The following CACNA1D variants were observed in gnomAD, a reference collection of about 807,000 sequenced individuals.
The protein encoded by CACNA1D is voltage-dependent L-type calcium channel subunit alpha-1D.
In CACNA1D, 55 loss-of-function variants were observed where a neutral mutation model predicts 257.1. The ratio of observed to expected loss-of-function variants is 0.21; its 90% CI spans 0.17 to 0.27. The LOEUF (loss-of-function observed/expected upper bound fraction) is 0.27. Ranked by LOEUF, CACNA1D falls within the 10% of genes least tolerant of loss-of-function variation. The pLI is 1.00. For missense variants in CACNA1D, 1,876 were observed against 2,784.0 expected (o/e 0.67, Z 7.34); for synonymous variants, 980 against 1,014.9 (o/e 0.97, Z 0.65).
chr3:53,752,461 G>T (rs545306202), intron 28 of CACNA1D, among the ~76,000 whole-genome samples: 1 of 152,116 alleles, frequency 6.6e-6, no homozygotes. Context: ...GTGCAGTAGC[G>T]CGATCTCGGC....
intron 30 of CACNA1D, among the ~76,000 whole-genome samples, chr3:53,768,250 CAGGTCTG>C (rs1021663329): frequency 1.3e-5 from 2 of 152,142 alleles, no homozygotes; most frequent in Non-Finnish European, 2.9e-5. Flanking sequence ...TACTGTCTTG[CAGGTCTG>C]ATACATAAGT....
At chr3:53,752,270 T>C (rs2095232385) in intron 28 of CACNA1D, among the ~76,000 whole-genome samples, 1 of 152,234 alleles carries the variant, frequency 6.6e-6, no homozygotes, top group African/African-American at 2.4e-5. Context: ...GAATTTTTTG[T>C]GACTTGGGGA....
intron 39 of CACNA1D, chr3:53,785,417 CAG>C (rs759363752): frequency 1.3e-5 from 2 of 152,150 alleles, no homozygotes; most frequent in Non-Finnish European, 2.9e-5. Context: ...TGGCTTCTGA[CAG>C]GGAGGCCTGG....
At chr3:53,721,299 GCCTAGCAACACA>G (rs1297116180) in intron 11 of CACNA1D, among the ~76,000 whole-genome samples, 1 of 152,168 alleles carries the variant, frequency 6.6e-6, no homozygotes, top group East Asian at 1.9e-4. Flanking sequence ...TTTTCTTTTT[GCCTAGCAACACA>G]GCTGAGTCAG....
intron 3 of CACNA1D, among the ~76,000 whole-genome samples, chr3:53,592,086 G>A (rs748261899): frequency 1.1e-4 from 16 of 152,248 alleles, no homozygotes; most frequent in Admixed American, 4.6e-4. Context: ...TCATCTGAGC[G>A]TGAGGAGCAG....
chr3:53,788,468 C>G (rs927174112), intron 40 of CACNA1D, among the ~76,000 whole-genome samples: 5 of 152,190 alleles, frequency 3.3e-5, no homozygotes, highest in Non-Finnish European at 2.9e-5. Flanking sequence ...TGACAGCCCC[C>G]CTCCTGGATT....
At chr3:53,574,038 G>T (rs968372219) in intron 3 of CACNA1D, among the ~76,000 whole-genome samples, 23 of 152,170 alleles carry the variant, frequency 1.5e-4, no homozygotes, top group Admixed American at 7.8e-4. Context: ...GGCCCAGGGG[G>T]TCCTTTCCAT....
chr3:53,676,445 T>C (rs1266367620), intron 8 of CACNA1D, among the ~76,000 whole-genome samples: 1 of 152,216 alleles, frequency 6.6e-6, no homozygotes, highest in Non-Finnish European at 1.5e-5. Flanking sequence ...ACCAGAAGGA[T>C]ATAAATGTTG....
In CACNA1D at chr3:53,803,444, G is replaced by A. The variant is rs2095546328; in HGVS notation, c.5457G>A (p.Gln1819=). The change falls in exon 44 of 48, where the codon CAG becomes CAA. Residue 1819 remains glutamine (Q), a synonymous_variant. Coordinates refer to ENST00000350061, the MANE Select transcript of CACNA1D (RefSeq NM_001128840.3). ...GCAGGTCCGACTCAGGAGATGAACA[G>A]CTCCCAACTATTTGCCGGGAAGACC... is the stretch of plus-strand genomic sequence containing the variant. ...TYIRSDSGDE[Q]LPTICREDPE... The A allele has an allele frequency of 3.1e-6, 5 of 1,614,238 alleles. No homozygotes were observed. Among genetic ancestry groups the A allele is most frequent in the African/African-American group, 2.7e-5 (2 of 75,070 alleles).
At chr3:53,637,455 G>T (rs1809281) in intron 3 of CACNA1D, among the ~76,000 whole-genome samples, 59,722 of 151,552 alleles carry the variant, frequency 0.39, 12,134 homozygotes, top group South Asian at 0.55. Flanking sequence ...TTTTTTTGGA[G>T]CAAGGAAAGC....
intron 40 of CACNA1D, among the ~76,000 whole-genome samples, chr3:53,792,891 T>C (rs779727653): frequency 6.6e-6 from 1 of 152,156 alleles, no homozygotes; most frequent in Admixed American, 6.5e-5. Context: ...TCTGCCCCCA[T>C]GTGTATAAGT....
chr3:53,584,325 A>G (rs1384039903), intron 3 of CACNA1D, among the ~76,000 whole-genome samples: 2 of 152,214 alleles, frequency 1.3e-5, no homozygotes, highest in East Asian at 3.8e-4. Flanking sequence ...GGTAGCATGA[A>G]GCATTGTAAG....
rs74370686 is a variant in CACNA1D, at chr3:53,585,358, T to G, written c.484-65421T>G. ...TTCATCAACAATGCATAGCATAGAT[T>G]TGCTTCTTAGCAGATGTGGCTGGCC... On this transcript the variant is annotated intron_variant, in intron 3 of 47. Coordinates refer to ENST00000350061, the MANE Select transcript of CACNA1D (RefSeq NM_001128840.3). 9.2e-3 allele frequency among the ~76,000 whole-genome samples: 1,403 copies of G among 152,222 alleles called. 34 individuals are homozygous for G. The highest frequency in any genetic ancestry group is 0.032 in the African/African-American group (1,323 of 41,542).
chr3:53,528,108 C>T (rs889270020), intron 3 of CACNA1D, among the ~76,000 whole-genome samples: 2 of 152,124 alleles, frequency 1.3e-5, no homozygotes, highest in African/African-American at 4.8e-5. Flanking sequence ...AGATTGCAAA[C>T]ATGTTTTCTT....
At chr3:53,651,293 A>G (rs1293817341) in intron 4 of CACNA1D, among the ~76,000 whole-genome samples, 1 of 152,006 alleles carries the variant, frequency 6.6e-6, no homozygotes, top group African/African-American at 2.4e-5. Context: ...TAAAAAAAGT[A>G]AAAAGTAATA....
chr3:53,543,768 G>T (rs976835558), intron 3 of CACNA1D, among the ~76,000 whole-genome samples: 12 of 152,102 alleles, frequency 7.9e-5, no homozygotes, highest in African/African-American at 2.9e-4. Context: ...TAGATATCTC[G>T]TCCAGGGTCA....
At chr3:53,617,132 G>A (rs2093645909) in intron 3 of CACNA1D, among the ~76,000 whole-genome samples, 1 of 152,108 alleles carries the variant, frequency 6.6e-6, no homozygotes, top group South Asian at 2.1e-4. Flanking sequence ...TTGTCAGCAG[G>A]ACCAACCATT....
intron 29 of CACNA1D, among the ~76,000 whole-genome samples, chr3:53,756,387 C>T (rs999541392): frequency 7.2e-5 from 11 of 152,176 alleles, no homozygotes; most frequent in Non-Finnish European, 7.3e-5. Flanking sequence ...GAGAAAACTC[C>T]GAGCTGGAAG....
intron 3 of CACNA1D, among the ~76,000 whole-genome samples, chr3:53,583,746 A>G (rs536530267): frequency 6.6e-6 from 1 of 152,330 alleles, no homozygotes; most frequent in South Asian, 2.1e-4. Context: ...CATTTTGTTA[A>G]GTAGGTATGC....
Sources: gnomAD v4.1 joint callset for allele counts (sites outside exome capture counted in the v4.1 genomes callset) on GRCh38, gnomAD v4.1.1 for gene constraint, MANE v1.5 for transcripts, NCBI Gene and HGNC (gene_info 2026-07-23, HGNC 2026-07-21) for gene names.